The following LRRC49 variants were observed in gnomAD, a reference collection of about 807,000 sequenced individuals.
The protein encoded by LRRC49 is leucine-rich repeat-containing protein 49.
LRRC49 carries 50 observed loss-of-function variants against 83.3 expected under a neutral mutation model. The ratio of observed to expected loss-of-function variants is 0.60; its 90% confidence interval spans 0.48 to 0.76. The LOEUF (loss-of-function observed/expected upper bound fraction) is 0.76. Ranked by LOEUF, LRRC49 falls within the 30% of genes least tolerant of loss-of-function variation. The pLI is 0.00. For synonymous variants in LRRC49, 286 were observed against 283.3 expected (o/e 1.01, Z -0.10); for missense variants, 704 against 809.1 (o/e 0.87, Z 1.58).
At chr15:70,940,752 T>G (rs1015732378) in intron 8 of LRRC49, among the ~76,000 whole-genome samples, 4 of 152,234 alleles carry the variant, frequency 2.6e-5, no homozygotes, top group African/African-American at 9.6e-5. Context: ...TATGCAAATC[T>G]TCTTACTGAG....
At chr15:70,959,604 A>G (rs2036536781) in intron 8 of LRRC49, among the ~76,000 whole-genome samples, 1 of 143,194 alleles carries the variant, frequency 7.0e-6, no homozygotes, top group Admixed American at 7.1e-5. Context: ...GAAGGAAGGG[A>G]GGGAAATTCC....
At position 71,050,599 on chromosome 15, in the gene LRRC49, C is replaced by T. The variant is rs2039981440; in HGVS notation, c.*987C>T. ...GGTTTGCTTAGATTTTACCTAGCAG[C>T]TATTATGTCAGCAGGACCACCAGGA... On this transcript the variant is annotated 3_prime_UTR_variant, in exon 16 of 16. Coordinates refer to ENST00000260382, the MANE Select transcript of LRRC49 (RefSeq NM_017691.5). 2 of 152,224 alleles carry T rather than the reference C, an allele frequency of 1.3e-5. No individual in the cohort carries two copies. The highest frequency in any genetic ancestry group is 3.9e-4 in the East Asian group (2 of 5,158). 9.4% of individuals were successfully genotyped at this position (152,224 alleles called of 1,614,324 possible).
intron 2 of LRRC49, among the ~76,000 whole-genome samples, chr15:70,886,744 T>G (rs1440493291): frequency 6.6e-6 from 1 of 152,068 alleles, no homozygotes; most frequent in Non-Finnish European, 1.5e-5. Context: ...CAGGCACCTG[T>G]AATCCCAGCT....
At chr15:70,911,462 CTTAGCATACT>C (rs1386010308) in intron 5 of LRRC49, 60 bp from the exon 6 acceptor site, 1 of 825,740 alleles carries the variant, frequency 1.2e-6, no homozygotes, top group African/African-American at 1.7e-5. Flanking sequence ...ACCTTTATGC[CTTAGCATACT>C]TTGATTTACA....
intron 11 of LRRC49, among the ~76,000 whole-genome samples, chr15:70,996,188 T>A (rs1453552734): frequency 1.3e-5 from 2 of 152,082 alleles, no homozygotes; most frequent in Non-Finnish European, 2.9e-5. Context: ...ATTTTAGGGA[T>A]AAATAGTATA....
chr15:70,886,015 T>C (rs554296866), intron 2 of LRRC49, among the ~76,000 whole-genome samples: 22 of 152,244 alleles, frequency 1.4e-4, no homozygotes, highest in African/African-American at 5.1e-4. Context: ...TAGAAATCTA[T>C]TGCAAAAATT....
At chr15:70,888,725 TC>T (rs1178453133), upstream of LRRC49, among the ~76,000 whole-genome samples, 1 of 152,014 alleles carries the variant, frequency 6.6e-6, no homozygotes, top group African/African-American at 2.4e-5. Flanking sequence ...AAAAAGGACT[TC>T]CAGGTAGAAT....
intron 7 of LRRC49, among the ~76,000 whole-genome samples, chr15:70,924,145 T>A (rs2035108004): frequency 1.3e-5 from 2 of 151,910 alleles, no homozygotes; most frequent in African/African-American, 4.8e-5. Context: ...GTGAAGAGTA[T>A]GGCAGGAATG....
intron 11 of LRRC49, among the ~76,000 whole-genome samples, chr15:70,993,238 G>C (rs191546532): frequency 6.6e-6 from 1 of 152,322 alleles, no homozygotes; most frequent in East Asian, 1.9e-4. Context: ...GAAAAGTGCT[G>C]TATTAGGGTG....
rs550582864 is a variant in LRRC49 at position 70,878,754 on chromosome 15, T to C, written c.18+5531T>C. 6.6e-5 allele frequency among the ~76,000 whole-genome samples: 10 copies of C among 152,210 alleles called. No individual in the cohort carries two copies. In the South Asian group the frequency reaches 1.0e-3, roughly 16 times the overall value. ...CGTTCTCTTAATATGGTGAATTACA[T>C]TGATTGGTTGTTGAATGTGAAACCA... On this transcript the variant is annotated intron_variant, in intron 2 of 16. Coordinates refer to the LRRC49 transcript ENST00000544974.
At chr15:70,943,544 G>A (rs2035898559) in intron 8 of LRRC49, among the ~76,000 whole-genome samples, 2 of 152,102 alleles carry the variant, frequency 1.3e-5, no homozygotes, top group Non-Finnish European at 2.9e-5. Flanking sequence ...CCTTGCAGTG[G>A]GCTGTCCATA....
At chr15:70,943,091 T>C (rs1222591062) in intron 8 of LRRC49, among the ~76,000 whole-genome samples, 1 of 152,196 alleles carries the variant, frequency 6.6e-6, no homozygotes, top group Non-Finnish European at 1.5e-5. Context: ...GTGGATGTTC[T>C]GTTGAGAGAT....
intron 1 of LRRC49, among the ~76,000 whole-genome samples, chr15:70,872,500 T>G (rs2033070737): frequency 1.3e-5 from 2 of 152,162 alleles, no homozygotes; most frequent in South Asian, 4.1e-4. Flanking sequence ...AACATTCATA[T>G]TGGTGCTAAG....
chr15:70,854,148 G>C (rs940502503), intron 1 of LRRC49: 17 of 1,169,888 alleles, frequency 1.5e-5, no homozygotes, highest in Non-Finnish European at 1.7e-5. Flanking sequence ...CCAGCCGGTC[G>C]GCAGCGACTG....
intron 3 of LRRC49, among the ~76,000 whole-genome samples, chr15:70,898,711 A>C (rs1041280355): frequency 2.8e-4 from 42 of 152,164 alleles, no homozygotes; most frequent in African/African-American, 8.7e-4. Context: ...TGAGCCTGGG[A>C]GTTTGAGGCT....
intron 8 of LRRC49, among the ~76,000 whole-genome samples, chr15:70,940,535 G>A (rs915180652): frequency 2.0e-5 from 3 of 152,112 alleles, no homozygotes; most frequent in South Asian, 2.1e-4. Context: ...GAGCCACTGC[G>A]CCGGCCTATA....
At chr15:70,984,284 C>T (rs775337844) in intron 11 of LRRC49, 27 bp downstream of exon 11, 9 of 1,538,176 alleles carry the variant, frequency 5.9e-6, no homozygotes, top group Non-Finnish European at 7.9e-6. Flanking sequence ...TTTCAAGATA[C>T]AAGCATCTTT....
chr15:70,893,868 G>GT (rs772167690), intron 2 of LRRC49, among the ~76,000 whole-genome samples: 6,354 of 138,322 alleles, frequency 0.046, 366 homozygotes, highest in African/African-American at 0.14. Flanking sequence ...GGGTTTTTTT[G>GT]TTTTTTTTTT....
chr15:70,950,356 T>A (rs146893575), intron 8 of LRRC49, among the ~76,000 whole-genome samples: 13 of 152,282 alleles, frequency 8.5e-5, no homozygotes, highest in African/African-American at 3.1e-4. Context: ...TGTTTTAAGT[T>A]CTTTGAGGAA....
Sources: gnomAD v4.1 joint callset for allele counts (sites outside exome capture counted in the v4.1 genomes callset) on GRCh38, gnomAD v4.1.1 for gene constraint, MANE v1.5 for transcripts, NCBI Gene and HGNC (gene_info 2026-07-23, HGNC 2026-07-21) for gene names.